Variants in GLIS1 observed in about 807,000 individuals in gnomAD.
GLIS1 encodes the protein GLIS family zinc finger 1, also known as zinc finger protein GLIS1.
GLIS1 carries 24 observed loss-of-function variants against 63.8 expected under a neutral mutation model. The observed-to-expected ratio is 0.38, with a 90% confidence interval of 0.27 to 0.53. The LOEUF (loss-of-function observed/expected upper bound fraction) is 0.53, where lower values mean the gene tolerates loss of function less well. Among genes scored for constraint, GLIS1 ranks in the 20% least tolerant of loss-of-function variants. The pLI, the probability that GLIS1 is intolerant of heterozygous loss-of-function variation, is 0.85. For missense variants in GLIS1, 1,036 were observed against 1,074.1 expected (o/e 0.96, Z 0.50); for synonymous variants, 450 against 482.5 (o/e 0.93, Z 0.88).
chr1:53,550,932 C>T (rs1429783674), intron 4 of GLIS1, among the ~76,000 whole-genome samples: 1 of 152,166 alleles, frequency 6.6e-6, no homozygotes, highest in East Asian at 1.9e-4. Context: ...CTCACTGCAA[C>T]CTCTGCCTCC....
intron 2 of GLIS1, among the ~76,000 whole-genome samples, chr1:53,735,025 C>T (rs1156614925): frequency 6.6e-6 from 1 of 152,188 alleles, no homozygotes; most frequent in African/African-American, 2.4e-5. Context: ...ACACAGGCCC[C>T]AGACATTTAT....
intron 4 of GLIS1, among the ~76,000 whole-genome samples, chr1:53,580,674 G>A (rs1645076083): frequency 6.6e-6 from 1 of 151,178 alleles, no homozygotes; most frequent in African/African-American, 2.4e-5. Flanking sequence ...TAAAATGAGC[G>A]CATCACAAGA....
intron 5 of GLIS1, among the ~76,000 whole-genome samples, chr1:53,527,078 A>G (rs890154487): frequency 6.6e-6 from 1 of 152,128 alleles, no homozygotes; most frequent in Non-Finnish European, 1.5e-5. Flanking sequence ...CTGAGCCCAC[A>G]CCCACCCCAT....
chr1:53,685,146 G>A (rs562601639), intron 2 of GLIS1, among the ~76,000 whole-genome samples: 1 of 152,306 alleles, frequency 6.6e-6, no homozygotes, highest in South Asian at 2.1e-4. Context: ...AGGTAAAGGT[G>A]AAAGACAGCA....
At chr1:53,614,175 T>C (rs1261622281) in intron 2 of GLIS1, among the ~76,000 whole-genome samples, 3 of 152,220 alleles carry the variant, frequency 2.0e-5, no homozygotes, top group Admixed American at 2.0e-4. Context: ...GTCTCTACTC[T>C]TATGCGGTTT....
intron 2 of GLIS1, among the ~76,000 whole-genome samples, chr1:53,619,904 C>A (rs939817778): frequency 6.6e-6 from 1 of 152,242 alleles, no homozygotes; most frequent in Non-Finnish European, 1.5e-5. Context: ...GACCAGAACC[C>A]AGTCCTCCAG....
chr1:53,638,858 A>T (rs1023719010), intron 2 of GLIS1, among the ~76,000 whole-genome samples: 9 of 152,246 alleles, frequency 5.9e-5, no homozygotes, highest in Non-Finnish European at 1.3e-4. Context: ...GTCATAGCAG[A>T]AGGGGGACTG....
intron 4 of GLIS1, among the ~76,000 whole-genome samples, chr1:53,573,251 G>A (rs988084856): frequency 6.6e-6 from 1 of 152,132 alleles, no homozygotes. Flanking sequence ...TGTCTGCTGG[G>A]GAAGGTGCCG....
intron 4 of GLIS1, among the ~76,000 whole-genome samples, chr1:53,552,709 T>C (rs1283196626): frequency 1.3e-5 from 2 of 152,156 alleles, no homozygotes; most frequent in Non-Finnish European, 2.9e-5. Context: ...CCATCCCACT[T>C]AGAGGCTGAG....
chr1:53,520,079 A>G (rs1274532595), intron 7 of GLIS1, among the ~76,000 whole-genome samples: 1 of 152,102 alleles, frequency 6.6e-6, no homozygotes, highest in African/African-American at 2.4e-5. Context: ...GGTGGGGGAG[A>G]CAGATGGGCA....
intron 2 of GLIS1, among the ~76,000 whole-genome samples, chr1:53,723,605 A>G (rs984276339): frequency 1.3e-5 from 2 of 152,210 alleles, no homozygotes; most frequent in Non-Finnish European, 2.9e-5. Flanking sequence ...TTAATAGACA[A>G]GCATAGAAAG....
chr1:53,569,198 T>C (rs1289546826), intron 4 of GLIS1, among the ~76,000 whole-genome samples: 2 of 152,158 alleles, frequency 1.3e-5, no homozygotes, highest in African/African-American at 4.8e-5. Context: ...AGAAAAACTA[T>C]TGTGTGTGGT....
intron 4 of GLIS1, among the ~76,000 whole-genome samples, chr1:53,533,562 C>T (rs1007325778): frequency 1.3e-5 from 2 of 152,234 alleles, no homozygotes; most frequent in African/African-American, 4.8e-5. Context: ...CTGGGATGCC[C>T]TGATGAGAGT....
chr1:53,606,750 C>G (rs902546590), intron 2 of GLIS1, among the ~76,000 whole-genome samples: 1 of 152,242 alleles, frequency 6.6e-6, no homozygotes, highest in African/African-American at 2.4e-5. Flanking sequence ...GGGGCCGTAA[C>G]CTCAGCAGGG....
chr1:53,666,963 T>C (rs894754677), intron 2 of GLIS1, among the ~76,000 whole-genome samples: 12 of 152,090 alleles, frequency 7.9e-5, no homozygotes, highest in African/African-American at 2.7e-4. Flanking sequence ...ATCATCTCCT[T>C]TCATGCCCAT....
At chr1:53,556,595 T>TTG (rs1348054416) in intron 4 of GLIS1, among the ~76,000 whole-genome samples, 1 of 63,352 alleles carries the variant, frequency 1.6e-5, no homozygotes, top group Non-Finnish European at 2.6e-5. Flanking sequence ...TACTGTAGGT[T>TTG]TGTGTGTGTG....
At chr1:53,578,902 GAGAAGGGA>G (rs1262522104) in intron 4 of GLIS1, among the ~76,000 whole-genome samples, 1 of 152,200 alleles carries the variant, frequency 6.6e-6, no homozygotes, top group Admixed American at 6.5e-5. Context: ...TTGAAGCCCA[GAGAAGGGA>G]AGGGGTGAAG....
intron 2 of GLIS1, among the ~76,000 whole-genome samples, chr1:53,680,180 A>G (rs535665007): frequency 3.9e-4 from 59 of 152,218 alleles, no homozygotes; most frequent in African/African-American, 1.4e-3. Context: ...CTCAGCCACT[A>G]ACAGCTTAAA....
chr1:53,580,553 A>G (rs1645075062), intron 4 of GLIS1, among the ~76,000 whole-genome samples: 1 of 152,162 alleles, frequency 6.6e-6, no homozygotes, highest in Non-Finnish European at 1.5e-5. Context: ...GGTGAGCTCA[A>G]TTTAAAAGAG....
Sources: gnomAD v4.1 joint callset for allele counts (sites outside exome capture counted in the v4.1 genomes callset) on GRCh38, gnomAD v4.1.1 for gene constraint, MANE v1.5 for transcripts, NCBI Gene and HGNC (gene_info 2026-07-23, HGNC 2026-07-21) for gene names.